The following PACS1 variants were observed in gnomAD, a reference collection of about 807,000 sequenced individuals.
PACS1 encodes the protein phosphofurin acidic cluster sorting protein 1.
A neutral mutation model predicts 115.0 loss-of-function variants in PACS1; 24 were observed. The ratio of observed to expected loss-of-function variants is 0.21; its 90% confidence interval spans 0.15 to 0.29. The LOEUF (loss-of-function observed/expected upper bound fraction) is 0.29, where lower values mean the gene tolerates loss of function less well. PACS1 is among the 10% of genes least tolerant of loss of function. The pLI, the probability that PACS1 is intolerant of heterozygous loss-of-function variation, is 1.00. For synonymous variants in PACS1, 453 were observed against 504.5 expected, an observed-to-expected ratio of 0.90 and a Z score of 1.37; for missense variants, 838 against 1,251.2, an observed-to-expected ratio of 0.67 and a Z score of 4.98.
At chr11:66,172,647 C>T (rs1859765808) in intron 1 of PACS1, among the ~76,000 whole-genome samples, 1 of 152,152 alleles carries the variant, frequency 6.6e-6, no homozygotes, top group South Asian at 2.1e-4. Flanking sequence ...CCACCTAGCC[C>T]AGCTGCTTCT....
Position 66,243,043 on chromosome 11 carries a change from G to C in PACS1, c.2776+12G>C. ...GACTATGCTGAGAGGTGCGAGGGCA[G>C]GCAGGGCCGGGAGGAGGGCAAGAAA... On this transcript the variant is annotated intron_variant, in intron 23 of 23. Coordinates refer to ENST00000320580, the MANE Select transcript of PACS1 (RefSeq NM_018026.4). 6.2e-7 allele frequency: 1 copy of C among 1,613,854 alleles called. No individual in the cohort carries two copies. Among genetic ancestry groups the C allele is most frequent in the Non-Finnish European group, 8.5e-7 (1 of 1,179,844 alleles).
At chr11:66,104,930 A>G (rs1858001044) in intron 1 of PACS1, among the ~76,000 whole-genome samples, 1 of 152,196 alleles carries the variant, frequency 6.6e-6, no homozygotes, top group Non-Finnish European at 1.5e-5. Flanking sequence ...GCATTCAGTA[A>G]GTAATTGTTG....
intron 1 of PACS1, among the ~76,000 whole-genome samples, chr11:66,163,831 A>G (rs1859542319): frequency 2.0e-5 from 3 of 152,172 alleles, no homozygotes; most frequent in Admixed American, 2.0e-4. Flanking sequence ...AGATGGAATT[A>G]TCTCTGGTCA....
At chr11:66,086,896 C>T (rs559695464) in intron 1 of PACS1, among the ~76,000 whole-genome samples, 3 of 152,268 alleles carry the variant, frequency 2.0e-5, no homozygotes, top group Admixed American at 1.3e-4. Flanking sequence ...GGATTACAGG[C>T]GTGGGGCCGG....
chr11:66,241,110 G>A (rs1444295123), intron 21 of PACS1: 5 of 295,708 alleles, frequency 1.7e-5, no homozygotes, highest in Admixed American at 1.4e-4. Flanking sequence ...GTGTGTATAT[G>A]TGTGTGCACG....
chr11:66,081,945 GA>G (rs376028061), intron 1 of PACS1, among the ~76,000 whole-genome samples: 1 of 152,282 alleles, frequency 6.6e-6, no homozygotes, highest in African/African-American at 2.4e-5. Flanking sequence ...GGAGAAACCT[GA>G]TAATACATTT....
At chr11:66,217,625 C>A in intron 7 of PACS1, 1 of 456,132 alleles carries the variant, frequency 2.2e-6, no homozygotes, top group South Asian at 1.5e-5. Context: ...CAGGTAAATC[C>A]GTGAGACTGT....
Position 66,243,217 on chromosome 11 carries a change from C to A in PACS1, c.2829C>A (p.Ala943=), listed in dbSNP as rs778777540. Residue 943 remains alanine, a synonymous_variant, in exon 24 of 24, where the codon GCC becomes GCA. Coordinates refer to ENST00000320580, the MANE Select transcript of PACS1 (RefSeq NM_018026.4). ...ACATCAAGTTCTTCCAGCTGGCAGC[C>A]CAGTGGCCCACCCATGTCAAGCACT... ...WSDIKFFQLA[A]QWPTHVKHFP... is the part of the protein sequence containing the mutation. The A allele has an allele frequency of 6.2e-7, 1 of 1,613,374 alleles. No individual in the cohort carries two copies. Among genetic ancestry groups the A allele is most frequent in the African/African-American group, 1.3e-5 (1 of 74,888 alleles).
chr11:66,163,002 T>G (rs1859526838), intron 1 of PACS1, among the ~76,000 whole-genome samples: 1 of 152,194 alleles, frequency 6.6e-6, no homozygotes, highest in African/African-American at 2.4e-5. Flanking sequence ...GTGATACAAG[T>G]AAGTCTCATT....
At chr11:66,209,206 A>G (rs977720880) in intron 2 of PACS1, among the ~76,000 whole-genome samples, 1 of 152,044 alleles carries the variant, frequency 6.6e-6, no homozygotes, top group Admixed American at 6.6e-5. Context: ...TCAGAAGCCA[A>G]AAAAAGCATC....
intron 7 of PACS1, chr11:66,217,559 A>C: frequency 2.2e-6 from 1 of 456,260 alleles, no homozygotes; most frequent in South Asian, 1.5e-5. Flanking sequence ...CCACCCCTTC[A>C]GGGATGAAAC....
At chr11:66,095,067 A>C (rs1241888205) in intron 1 of PACS1, among the ~76,000 whole-genome samples, 1 of 149,716 alleles carries the variant, frequency 6.7e-6, no homozygotes, top group Non-Finnish European at 1.5e-5. Context: ...AGAGCTATCT[A>C]TGACAAACCC....
At chr11:66,152,340 G>A (rs1859259575) in intron 1 of PACS1, among the ~76,000 whole-genome samples, 2 of 152,172 alleles carry the variant, frequency 1.3e-5, no homozygotes, top group Admixed American at 6.5e-5. Context: ...ATGAAGAGAG[G>A]AGCAAAGATT....
At chr11:66,105,347 G>A (rs1184572639) in intron 1 of PACS1, among the ~76,000 whole-genome samples, 2 of 152,038 alleles carry the variant, frequency 1.3e-5, no homozygotes, top group African/African-American at 4.8e-5. Context: ...CGCTTGAACC[G>A]GGGAGGCAGA....
At chr11:66,214,444 A>G (rs1855150201) in intron 4 of PACS1, among the ~76,000 whole-genome samples, 1 of 151,958 alleles carries the variant, frequency 6.6e-6, no homozygotes, top group Non-Finnish European at 1.5e-5. Context: ...TCTGTGAAGG[A>G]CTTACACTAA....
At chr11:66,087,121 A>T (rs890484986) in intron 1 of PACS1, among the ~76,000 whole-genome samples, 1 of 152,176 alleles carries the variant, frequency 6.6e-6, no homozygotes, top group East Asian at 1.9e-4. Flanking sequence ...CCCCCTTCTA[A>T]TACCACCCCT....
chr11:66,144,849 G>C (rs538078380), intron 1 of PACS1, among the ~76,000 whole-genome samples: 2 of 152,136 alleles, frequency 1.3e-5, no homozygotes, highest in East Asian at 3.8e-4. Context: ...TGGCCAGGCT[G>C]GTCTCGAACT....
At chr11:66,230,456 A>C in intron 11 of PACS1, 92 bp from the exon 12 acceptor site, 1 of 819,740 alleles carries the variant, frequency 1.2e-6, no homozygotes, top group Admixed American at 2.1e-5. Context: ...CTCTCTCTTC[A>C]GGATGGTGAT....
intron 1 of PACS1, among the ~76,000 whole-genome samples, chr11:66,106,900 T>C (rs976151109): frequency 3.9e-5 from 6 of 152,214 alleles, no homozygotes; most frequent in Non-Finnish European, 5.9e-5. Context: ...AAACTACCTT[T>C]CCAGGATATC....
Sources: gnomAD v4.1 joint callset for allele counts (sites outside exome capture counted in the v4.1 genomes callset) on GRCh38, gnomAD v4.1.1 for gene constraint, MANE v1.5 for transcripts, NCBI Gene and HGNC (gene_info 2026-07-23, HGNC 2026-07-21) for gene names.